DSCAM: variants seen among roughly 807,000 people sequenced by gnomAD.
DSCAM encodes cell adhesion molecule DSCAM.
Under a neutral mutation model 217.7 loss-of-function variants are expected in DSCAM, and 47 were observed. The observed-to-expected ratio is 0.22, with a 90% CI of 0.17 to 0.28. DSCAM has a LOEUF of 0.28. DSCAM is among the 10% of genes least tolerant of loss of function. DSCAM has a pLI of 1.00. For synonymous variants in DSCAM, 1,056 were observed against 1,015.3 expected, an observed-to-expected ratio of 1.04 and a Z score of -0.76; for missense variants, 2,080 against 2,618.3, an observed-to-expected ratio of 0.79 and a Z score of 4.49.
In DSCAM at chr21:40,097,970, G is replaced by A. The variant is rs200942312; in HGVS notation, c.3697-4096C>T. On this transcript the variant is annotated intron_variant, in intron 20 of 32. Transcript: ENST00000400454. Reference sequence around the variant, plus strand: ...AAAAAAAAAAAAAGAAAGAAAGAAAGAAAGAAAGAAAGAAAGAAAGAAAGA... The same window carrying A: ...AAAAAAAAAAAAAGAAAGAAAGAAAAAAAGAAAGAAAGAAAGAAAGAAAGA... Among the ~76,000 whole-genome samples, 170 of 28,980 alleles carry A rather than the reference G, an allele frequency of 5.9e-3. 30 individuals carry two copies. The highest frequency in any genetic ancestry group is 0.01 in the African/African-American group (52 of 5,188). The allele number at this position is 28,980 out of a possible 152,430, so 19.0% of individuals were successfully genotyped here. A position where few individuals can be genotyped will look rare whatever the true frequency, so the allele number is the denominator to read the frequency against.
At chr21:40,433,680 C>A (rs1461967682) in intron 3 of DSCAM, among the ~76,000 whole-genome samples, 2 of 152,124 alleles carry the variant, frequency 1.3e-5, no homozygotes, top group African/African-American at 4.8e-5. Flanking sequence ...GATGACATCA[C>A]TTGAAATAGG....
At chr21:40,489,846 T>C (rs961795015) in intron 3 of DSCAM, among the ~76,000 whole-genome samples, 2 of 149,796 alleles carry the variant, frequency 1.3e-5, no homozygotes, top group African/African-American at 4.9e-5. Context: ...TAAGACATCT[T>C]CCATCCCCTA....
At chr21:40,677,130 T>A (rs2090348859) in intron 3 of DSCAM, among the ~76,000 whole-genome samples, 1 of 152,138 alleles carries the variant, frequency 6.6e-6, no homozygotes. Context: ...TGATGAAGGC[T>A]TTTTATAAAA....
chr21:40,074,815 G>T (rs1313102007), intron 27 of DSCAM, among the ~76,000 whole-genome samples: 2 of 152,158 alleles, frequency 1.3e-5, no homozygotes, highest in African/African-American at 2.4e-5. Flanking sequence ...GGACAGGTTG[G>T]CTTTCACCTG....
intron 32 of DSCAM, among the ~76,000 whole-genome samples, chr21:40,026,926 T>C (rs1412766109): frequency 6.6e-6 from 1 of 152,312 alleles, no homozygotes; most frequent in East Asian, 1.9e-4. Flanking sequence ...ATTATGATGT[T>C]AGCTGGTTAT....
At chr21:40,092,120 T>C (rs1451881051) in intron 21 of DSCAM, among the ~76,000 whole-genome samples, 1 of 152,084 alleles carries the variant, frequency 6.6e-6, no homozygotes, top group African/African-American at 2.4e-5. Flanking sequence ...TTCTAGACAA[T>C]AGGATATTAG....
At chr21:40,655,049 G>A (rs1288343765) in intron 3 of DSCAM, among the ~76,000 whole-genome samples, 2 of 152,048 alleles carry the variant, frequency 1.3e-5, no homozygotes, top group Non-Finnish European at 2.9e-5. Context: ...GCTAGCTTAG[G>A]GAGATTCCGA....
At chr21:40,415,618 A>T (rs4386409) in intron 3 of DSCAM, among the ~76,000 whole-genome samples, 1 of 152,222 alleles carries the variant, frequency 6.6e-6, no homozygotes, top group Non-Finnish European at 1.5e-5. Flanking sequence ...TGGACAGGGA[A>T]GTTGCCCTGG....
intron 4 of DSCAM, 52 bp from the exon 5 acceptor site, chr21:40,353,795 C>A: frequency 2.1e-6 from 3 of 1,423,680 alleles, no homozygotes; most frequent in South Asian, 1.5e-5. Context: ...TTGAAGTGGT[C>A]ATTTAGAATT....
Position 40,085,615 on chromosome 21 carries a change from G to A in DSCAM, c.4119C>T (p.Asn1373=). The A allele has an allele frequency of 6.4e-7, 1 of 1,568,982 alleles. No homozygotes were observed. The highest frequency in any genetic ancestry group is 8.7e-7 in the Non-Finnish European group (1 of 1,146,382). Residue 1373 remains asparagine, a synonymous_variant, in exon 23 of 33, where the codon AAC becomes AAT. Transcript: ENST00000400454. The part of the protein sequence containing the change: ...NNWGSDEIIL[N]LQVQVPPDQP... ...CAAATGTTGTACCTTGTACTTGTAAGTTTAAAATAATTTCATCAGATCCCC... is the reference window on the plus strand; with the variant it reads ...CAAATGTTGTACCTTGTACTTGTAAATTTAAAATAATTTCATCAGATCCCC...
At chr21:40,156,543 AGAAGCCATT>A (rs1203841504) in intron 16 of DSCAM, among the ~76,000 whole-genome samples, 2 of 152,212 alleles carry the variant, frequency 1.3e-5, no homozygotes, top group Admixed American at 1.3e-4. Flanking sequence ...CCAATGAACC[AGAAGCCATT>A]TTTGAGTGGG....
At chr21:40,576,846 G>C (rs1017399109) in intron 3 of DSCAM, among the ~76,000 whole-genome samples, 6 of 152,128 alleles carry the variant, frequency 3.9e-5, no homozygotes, top group Admixed American at 3.3e-4. Flanking sequence ...AAAGGGCTAA[G>C]ATCACGAAAT....
intron 1 of DSCAM, among the ~76,000 whole-genome samples, chr21:40,752,447 C>T (rs1225488491): frequency 6.6e-6 from 1 of 152,188 alleles, no homozygotes; most frequent in Non-Finnish European, 1.5e-5. Context: ...TGACCTGTGT[C>T]TCCACTAATA....
intron 20 of DSCAM, among the ~76,000 whole-genome samples, 165 bp downstream of exon 20, chr21:40,124,030 T>G (rs1156284500): frequency 6.6e-6 from 1 of 151,868 alleles, no homozygotes; most frequent in Admixed American, 6.6e-5. Context: ...TCAAATGAGG[T>G]GTAAATGAGG....
intron 1 of DSCAM, among the ~76,000 whole-genome samples, chr21:40,737,637 T>A (rs968155982): frequency 1.3e-5 from 2 of 152,124 alleles, no homozygotes; most frequent in African/African-American, 4.8e-5. Flanking sequence ...CAAAACTCCA[T>A]CTCAAAAACA....
intron 8 of DSCAM, among the ~76,000 whole-genome samples, chr21:40,329,590 G>C (rs548414881): frequency 6.6e-6 from 1 of 151,002 alleles, no homozygotes; most frequent in East Asian, 1.9e-4. Context: ...CTCCAGCCTG[G>C]CCACAGAGTG....
intron 3 of DSCAM, among the ~76,000 whole-genome samples, chr21:40,619,757 G>T (rs552464076): frequency 1.3e-5 from 2 of 151,166 alleles, no homozygotes; most frequent in African/African-American, 4.9e-5. Context: ...TGGAAAGATA[G>T]AATTTGAATT....
intron 10 of DSCAM, among the ~76,000 whole-genome samples, chr21:40,279,993 G>A (rs1683870615): frequency 6.6e-6 from 1 of 151,940 alleles, no homozygotes; most frequent in Admixed American, 6.6e-5. Flanking sequence ...AAGAGCATTA[G>A]GACAAATACC....
chr21:40,061,936 C>T (rs1411454496), intron 28 of DSCAM, among the ~76,000 whole-genome samples: 1 of 152,172 alleles, frequency 6.6e-6, no homozygotes, highest in Non-Finnish European at 1.5e-5. Context: ...CTACTTATTT[C>T]CTAGACTCTG....
Sources: gnomAD v4.1 joint callset for allele counts (sites outside exome capture counted in the v4.1 genomes callset) on GRCh38, gnomAD v4.1.1 for gene constraint, MANE v1.5 for transcripts, NCBI Gene and HGNC (gene_info 2026-07-23, HGNC 2026-07-21) for gene names.